Variants in IL12B observed in about 807,000 individuals in gnomAD.
IL12B encodes the protein interleukin-12 subunit beta.
A neutral mutation model predicts 39.2 loss-of-function variants in IL12B; 27 were observed. The ratio of observed to expected loss-of-function variants is 0.69; its 90% confidence interval spans 0.51 to 0.95. The LOEUF (loss-of-function observed/expected upper bound fraction) is 0.95. IL12B is among the 40% of genes least tolerant of loss of function. The probability of loss-of-function intolerance (pLI) is 0.00; values close to 1 mark genes in which losing one functional copy is unlikely to be tolerated. For missense variants in IL12B, 351 were observed against 397.6 expected, an observed-to-expected ratio of 0.88 and a Z score of 1.00; for synonymous variants, 142 against 152.1, an observed-to-expected ratio of 0.93 and a Z score of 0.49.
chr5:159,322,326 G>A lies in IL12B; in HGVS notation c.482+68C>T, dbSNP rs1272463317. The A allele has an allele frequency of 5.2e-5, 52 of 992,940 alleles. No homozygotes were observed. The South Asian group carries it at 6.5e-4, about 12-fold the overall frequency. 61.5% of individuals were successfully genotyped at this position (992,940 alleles called of 1,614,324 possible). On this transcript the variant is annotated intron_variant, in intron 4 of 7. Transcript: ENST00000231228. ...ATCATTAACTGATAGGTCACTGAGA[G>A]GTTGCCCTTAATTTCTTAATGAAAT...
intron 6 of IL12B, 103 bp downstream of exon 6, chr5:159,318,633 G>T: frequency 9.4e-7 from 1 of 1,060,740 alleles, no homozygotes; most frequent in South Asian, 1.3e-5. Context: ...GTTGTTAAGT[G>T]ATACATGGAT....
chr5:159,323,117 G>C lies in IL12B; in HGVS notation c.301C>G (p.Leu101Val). Residue 101 changes from leucine to valine, a missense_variant, in exon 3 of 8, where the codon CTC becomes GTC. Transcript: ENST00000231228. ...TCTTCCTTTTTGTGAAGCAGCAGGA[G>C]CGAATGGCTTAGAACCTCGCCTCCT... Reference protein sequence around the residue: ...HKGGEVLSHSLLLLHKKEDGI... With the variant: ...HKGGEVLSHSVLLLHKKEDGI... The C allele has an allele frequency of 6.2e-7, 1 of 1,614,154 alleles. No individual in the cohort carries two copies. The highest frequency in any genetic ancestry group is 8.5e-7 in the Non-Finnish European group (1 of 1,180,010).
At position 159,316,831 on chromosome 5, in the gene IL12B, G is replaced by A. The variant is rs1319882351; in HGVS notation, c.856-15C>T. 5 of 1,613,732 alleles carry A rather than the reference G, an allele frequency of 3.1e-6. No individual in the cohort carries two copies. Among genetic ancestry groups the A allele is most frequent in the African/African-American group, 1.3e-5 (1 of 74,940 alleles). On this transcript the variant is annotated splice_polypyrimidine_tract_variant and intron_variant, in intron 6 of 7. Coordinates refer to ENST00000231228, the MANE Select transcript of IL12B (RefSeq NM_002187.3). ...ACTCTATCTTTCTGCAAAAGAGAAGGAAAGCTGTGAAGACCCCTTGGCAAC... is the reference window on the plus strand; with the variant it reads ...ACTCTATCTTTCTGCAAAAGAGAAGAAAAGCTGTGAAGACCCCTTGGCAAC...
intron 6 of IL12B, 30 bp downstream of exon 6, chr5:159,318,706 G>A: frequency 6.2e-7 from 1 of 1,611,160 alleles, no homozygotes; most frequent in Non-Finnish European, 8.5e-7. Flanking sequence ...AACTGACCAA[G>A]GAATATACTG....
At chr5:159,318,331 A>G (rs1754021886) in intron 6 of IL12B, among the ~76,000 whole-genome samples, 1 of 152,250 alleles carries the variant, frequency 6.6e-6, no homozygotes, top group South Asian at 2.1e-4. Flanking sequence ...TGCATCACAT[A>G]ATAACATTTC....
At position 159,315,483 on chromosome 5, in the gene IL12B, C is replaced by T. The variant is rs1753973527; in HGVS notation, c.*618G>A. ...AACTTGCTTAGAAGTGTAAGTGGCC[C>T]TAAATTGCTTTATCAACACCATCTC... is the stretch of plus-strand genomic sequence containing the variant. On this transcript the variant is annotated 3_prime_UTR_variant, in exon 8 of 8. Transcript: ENST00000231228. 2 of 152,332 alleles carry T rather than the reference C, an allele frequency of 1.3e-5. No individual in the cohort carries two copies. The highest frequency in any genetic ancestry group is 4.8e-5 in the African/African-American group (2 of 41,418). 9.4% of individuals were successfully genotyped at this position (152,332 alleles called of 1,614,324 possible). A position where few individuals can be genotyped will look rare whatever the true frequency, so the allele number is the denominator to read the frequency against.
chr5:159,329,770 CATT>C (rs1219086796), intron 1 of IL12B, among the ~76,000 whole-genome samples: 1 of 152,080 alleles, frequency 6.6e-6, no homozygotes, highest in African/African-American at 2.4e-5. Context: ...GTTAAAATGA[CATT>C]GTTGTTGCAC....
At position 159,318,769 on chromosome 5, in the gene IL12B, G is replaced by C; in HGVS notation, c.822C>G (p.Cys274Trp). ...TCTTGCTCTTGCCCTGGACCTGAAC[G>C]CAGAATGTCAGGGAGAAGTAGGAAT... ...TPHSYFSLTF[C>W]VQVQGKSKRE... Residue 274 changes from cysteine to tryptophan, a missense_variant, in exon 6 of 8, where the codon TGC becomes TGG. By Grantham distance (215) the Cys-to-Trp change is radical. Transcript: ENST00000231228. 1 of 1,614,134 alleles carries C rather than the reference G, an allele frequency of 6.2e-7. No homozygotes were observed. Among genetic ancestry groups the C allele is most frequent in the Non-Finnish European group, 8.5e-7 (1 of 1,180,012 alleles).
chr5:159,323,250 A>G lies in IL12B; in HGVS notation c.168T>C (p.Asp56=), dbSNP rs1367895558. Residue 56 remains aspartate, a synonymous_variant, in exon 3 of 8, where the codon GAT becomes GAC. Transcript: ENST00000231228. ...VVLTCDTPEE[D]GITWTLDQSS... ...TCTGGTCCAAGGTCCAGGTGATACC[A>G]TCTTCTTCAGGGGTGTCACAGGTGA... 2 of 1,614,000 alleles carry G rather than the reference A, an allele frequency of 1.2e-6. No homozygotes were observed. The highest frequency in any genetic ancestry group is 1.7e-6 in the Non-Finnish European group (2 of 1,179,892).
At chr5:159,320,010 A>G (rs1400154927) in intron 5 of IL12B, among the ~76,000 whole-genome samples, 2 of 152,214 alleles carry the variant, frequency 1.3e-5, no homozygotes, top group Non-Finnish European at 2.9e-5. Context: ...TTCATCATGG[A>G]AACTATCTGG....
At chr5:159,320,636 A>C (rs1006316065) in intron 4 of IL12B, 116 bp from the exon 5 acceptor site, 2 of 858,358 alleles carry the variant, frequency 2.3e-6, no homozygotes, top group Non-Finnish European at 3.8e-6. Flanking sequence ...AGTTTCTCCA[A>C]CTGGGCTGAT....
At chr5:159,319,764 C>G (rs527378945) in intron 5 of IL12B, among the ~76,000 whole-genome samples, 1 of 152,306 alleles carries the variant, frequency 6.6e-6, no homozygotes, top group South Asian at 2.1e-4. Context: ...AGCAAGTTCT[C>G]TGGTTCTATT....
At chr5:159,324,059 G>T (rs985242645) in intron 2 of IL12B, among the ~76,000 whole-genome samples, 1 of 151,974 alleles carries the variant, frequency 6.6e-6, no homozygotes, top group African/African-American at 2.4e-5. Context: ...CGTTCCCTCT[G>T]TTTTAAATCA....
chr5:159,322,319 ACTGAGAGGTTGCC>A (rs1360434151), intron 4 of IL12B, 62 bp downstream of exon 4: 1 of 925,030 alleles, frequency 1.1e-6, no homozygotes, highest in Non-Finnish European at 1.8e-6. Context: ...CTGATAGGTC[ACTGAGAGGTTGCC>A]CTTAATTTCT....
chr5:159,322,641 A>G (rs894226713), intron 3 of IL12B, 130 bp from the exon 4 acceptor site: 4 of 719,050 alleles, frequency 5.6e-6, no homozygotes, highest in South Asian at 2.9e-5. Context: ...GGGTAGCTCC[A>G]TAAGGATTGG....
chr5:159,314,803 A>G lies in IL12B; in HGVS notation c.*1298T>C, dbSNP rs1753961239. 1 of 152,356 alleles carries G rather than the reference A, an allele frequency of 6.6e-6. No individual in the cohort carries two copies. The highest frequency in any genetic ancestry group is 2.4e-5 in the African/African-American group (1 of 41,458). 9.4% of individuals were successfully genotyped at this position (152,356 alleles called of 1,614,324 possible). A position where few individuals can be genotyped will look rare whatever the true frequency, so the allele number is the denominator to read the frequency against. ...AATATGATTACAAAGAAGAGTTTTT[A>G]TTAGTTCAGCCTCAGAATGCAAAAA... On this transcript the variant is annotated 3_prime_UTR_variant, in exon 8 of 8. Coordinates refer to ENST00000231228, the MANE Select transcript of IL12B (RefSeq NM_002187.3).
chr5:159,318,510 C>A (rs771225223), intron 6 of IL12B, among the ~76,000 whole-genome samples: 2 of 152,138 alleles, frequency 1.3e-5, no homozygotes, highest in Non-Finnish European at 2.9e-5. Flanking sequence ...ATAGGCTATA[C>A]CATAAAGCCT....
At chr5:159,316,865 A>T (rs757551412) in intron 6 of IL12B, 49 bp from the exon 7 acceptor site, 17 of 1,609,342 alleles carry the variant, frequency 1.1e-5, no homozygotes, top group Non-Finnish European at 1.4e-5. Flanking sequence ...ACATAGTCAC[A>T]GGGTAAGCTG....
intron 2 of IL12B, among the ~76,000 whole-genome samples, chr5:159,324,463 T>C (rs1754154748): frequency 2.0e-5 from 3 of 152,254 alleles, no homozygotes; most frequent in Admixed American, 2.0e-4. Flanking sequence ...CACCTTGGAA[T>C]AGATCAGAAA....
Sources: allele counts gnomAD v4.1 joint callset (sites outside exome capture counted in the v4.1 genomes callset), GRCh38; gene constraint gnomAD v4.1.1; transcripts MANE v1.5; gene names NCBI Gene and HGNC (gene_info 2026-07-23, HGNC 2026-07-21).